Variants in TRAK1 observed in about 807,000 individuals in gnomAD.
The protein encoded by TRAK1 is trafficking kinesin protein 1.
In TRAK1, 33 loss-of-function variants were observed where a neutral mutation model predicts 92.1. That is an observed-to-expected ratio of 0.36 (90% CI 0.27 to 0.48). The LOEUF (loss-of-function observed/expected upper bound fraction) is 0.48, where lower values mean the gene tolerates loss of function less well. Among genes scored for constraint, TRAK1 ranks in the 20% least tolerant of loss-of-function variants. TRAK1 has a pLI of 0.99. For synonymous variants in TRAK1, 521 were observed against 517.3 expected (o/e 1.01, Z -0.10); for missense variants, 1,123 against 1,257.9 (o/e 0.89, Z 1.62).
chr3:42,081,774 T>C (rs1197294003), intron 1 of TRAK1, among the ~76,000 whole-genome samples: 3 of 152,230 alleles, frequency 2.0e-5, no homozygotes, highest in Non-Finnish European at 4.4e-5. Context: ...AGTAATTATT[T>C]TGAGAATCTA....
chr3:42,067,005 T>G (rs1703710870), intron 1 of TRAK1, among the ~76,000 whole-genome samples: 1 of 152,206 alleles, frequency 6.6e-6, no homozygotes, highest in Non-Finnish European at 1.5e-5. Context: ...TTATTTGTGC[T>G]ACTTCTTGAG....
At chr3:42,033,503 A>G (rs1330201152) in intron 1 of TRAK1, among the ~76,000 whole-genome samples, 4 of 152,112 alleles carry the variant, frequency 2.6e-5, no homozygotes, top group Non-Finnish European at 5.9e-5. Context: ...CAGGAGGATC[A>G]CTTGACCCCA....
rs1299725245 is a variant in TRAK1 at position 42,060,625 on chromosome 3, CT to C, written c.-518-26460del. On this transcript the variant is annotated intron_variant, in intron 1 of 16. Transcript: ENST00000487159. ...CTGTTTGTCAGGTCATTTTTGGCTG[CT>C]TTTTTTTTTTTTTTTTTTGAGACGG... Among the ~76,000 whole-genome samples the C allele has an allele frequency of 5.1e-3, 630 of 123,274 alleles. 3 individuals carry two copies. The highest frequency in any genetic ancestry group is 0.011 in the African/African-American group (329 of 31,184). 80.9% of individuals were successfully genotyped at this position (123,274 alleles called of 152,430 possible).
chr3:42,080,068 G>A (rs1211452991), intron 1 of TRAK1, among the ~76,000 whole-genome samples: 1 of 152,156 alleles, frequency 6.6e-6, no homozygotes, highest in African/African-American at 2.4e-5. Context: ...GGGGTCTGAG[G>A]CCCAGGGACA....
At chr3:42,199,060 C>A in intron 10 of TRAK1, 117 bp from the exon 11 acceptor site, 1 of 968,124 alleles carries the variant, frequency 1.0e-6, no homozygotes, top group Non-Finnish European at 1.6e-6. Context: ...GTGGGAAGAC[C>A]GTGAGCTTCT....
At chr3:42,112,489 C>T (rs1708573206) in intron 1 of TRAK1, among the ~76,000 whole-genome samples, 1 of 150,754 alleles carries the variant, frequency 6.6e-6, no homozygotes, top group Non-Finnish European at 1.5e-5. Context: ...AATCCCATCA[C>T]TTTGGGAGGC....
At position 42,203,087 on chromosome 3, in the gene TRAK1, CA is replaced by C. The variant is rs551241259; in HGVS notation, c.1744+340del. On this transcript the variant is annotated intron_variant, in intron 13 of 15. Transcript: ENST00000327628. The stretch of plus-strand genomic sequence containing the variant: ...GCGGTAGAGGCACTGCTAACTGATT[CA>C]AAAATTAATTAGGTTTTGCCTGTGG... 119 of 1,232,104 alleles carry C rather than the reference CA, an allele frequency of 9.7e-5. No individual in the cohort carries two copies. In the East Asian group the frequency reaches 3.1e-3, roughly 32 times the overall value. 76.3% of individuals were successfully genotyped at this position (1,232,104 alleles called of 1,614,324 possible).
chr3:42,076,963 G>A (rs1313686805), intron 1 of TRAK1, among the ~76,000 whole-genome samples: 1 of 152,078 alleles, frequency 6.6e-6, no homozygotes, highest in African/African-American at 2.4e-5. Context: ...TTACTTCTGG[G>A]CTCTGTAACC....
chr3:42,013,891 C>G lies in TRAK1; in HGVS notation c.-745C>G, dbSNP rs1701405803. On this transcript the variant is annotated 5_prime_UTR_variant, in exon 1 of 17. Coordinates refer to the TRAK1 transcript ENST00000487159. The surrounding 1 kb of genome is among the most constrained non-coding windows in gnomAD (Gnocchi z 5.1). ...CCGACGACCCCCGCGTCTCGGAACCCCGGACTCCGAGCCCAGGAGCGCCAG... is the reference window on the plus strand; with the variant it reads ...CCGACGACCCCCGCGTCTCGGAACCGCGGACTCCGAGCCCAGGAGCGCCAG... 1 of 150,570 alleles carries G rather than the reference C, an allele frequency of 6.6e-6. No homozygotes were observed. Among genetic ancestry groups the G allele is most frequent in the Non-Finnish European group, 1.5e-5 (1 of 67,458 alleles). The allele number at this position is 150,570 out of a possible 1,614,324, so 9.3% of individuals were successfully genotyped here.
intron 2 of TRAK1, among the ~76,000 whole-genome samples, chr3:42,158,961 AAAT>A (rs4016239): frequency 0.47 from 65,268 of 139,890 alleles, 16,565 homozygotes; most frequent in East Asian, 0.71. Flanking sequence ...TCTGTCTCAA[AAAT>A]AATAATAATA....
chr3:42,220,626 G>T, intron 15 of TRAK1: 7 of 984,474 alleles, frequency 7.1e-6, no homozygotes, highest in Non-Finnish European at 8.4e-6. Flanking sequence ...GCCCTGGCAG[G>T]GCCCTGTGGA....
chr3:42,149,468 A>G, intron 2 of TRAK1: 1 of 1,534,858 alleles, frequency 6.5e-7, no homozygotes, highest in East Asian at 2.4e-5. Context: ...GCGGGGAGGC[A>G]TGGCAGCGTT....
intron 8 of TRAK1, among the ~76,000 whole-genome samples, chr3:42,193,481 G>A (rs990402829): frequency 1.3e-5 from 2 of 152,118 alleles, no homozygotes; most frequent in Non-Finnish European, 2.9e-5. Context: ...GGATCATCTA[G>A]TCTAGTATTT....
At chr3:42,088,720 T>C (rs985303974), upstream of TRAK1, among the ~76,000 whole-genome samples, 4 of 152,180 alleles carry the variant, frequency 2.6e-5, no homozygotes, top group Admixed American at 2.0e-4. Flanking sequence ...CACTTTTCAG[T>C]GGTAGTTCAC....
At chr3:42,195,753 A>G (rs1039174448) in intron 10 of TRAK1, among the ~76,000 whole-genome samples, 6 of 152,240 alleles carry the variant, frequency 3.9e-5, no homozygotes, top group African/African-American at 1.4e-4. Flanking sequence ...AAACAAAAAG[A>G]AAGACATATA....
intron 3 of TRAK1, among the ~76,000 whole-genome samples, chr3:42,178,321 C>T (rs1328105999): frequency 1.3e-5 from 2 of 152,176 alleles, no homozygotes; most frequent in Admixed American, 6.5e-5. Flanking sequence ...AAGCTCCTCG[C>T]TGTGTAGTCA....
intron 1 of TRAK1, among the ~76,000 whole-genome samples, chr3:42,105,654 A>G (rs925000677): frequency 6.6e-6 from 1 of 152,232 alleles, no homozygotes; most frequent in Non-Finnish European, 1.5e-5. Flanking sequence ...ATTCAAATTC[A>G]GGAAATACAG....
At chr3:42,146,209 G>A (rs1211147204) in intron 2 of TRAK1, 1 of 301,920 alleles carries the variant, frequency 3.3e-6, no homozygotes, top group African/African-American at 2.2e-5. Context: ...TTTAAGAAAA[G>A]TATCCAAATG....
At chr3:42,014,693 G>A (rs1001663960) in intron 1 of TRAK1, among the ~76,000 whole-genome samples, 1 of 152,180 alleles carries the variant, frequency 6.6e-6, no homozygotes, top group African/African-American at 2.4e-5. Flanking sequence ...CTGGTGCTGG[G>A]TGCCCCTTCC....
Sources: gnomAD v4.1 joint callset for allele counts (sites outside exome capture counted in the v4.1 genomes callset) on GRCh38, gnomAD v4.1.1 for gene constraint, Gnocchi (gnomAD v3.1) non-coding constraint, MANE v1.5 for transcripts, NCBI Gene and HGNC (gene_info 2026-07-23, HGNC 2026-07-21) for gene names.